ANTXR2: variants seen among roughly 807,000 people sequenced by gnomAD.
ANTXR2 encodes the protein ANTXR cell adhesion molecule 2, also known as anthrax toxin receptor 2.
Under a neutral mutation model 73.7 loss-of-function variants are expected in ANTXR2, and 44 were observed. That is an observed-to-expected ratio of 0.60 (90% confidence interval 0.47 to 0.77). The LOEUF (loss-of-function observed/expected upper bound fraction) is 0.77, where lower values mean the gene tolerates loss of function less well. ANTXR2 is among the 30% of genes least tolerant of loss of function. The probability of loss-of-function intolerance (pLI) is 0.00; values close to 1 mark genes in which losing one functional copy is unlikely to be tolerated. For missense variants in ANTXR2, 604 were observed against 592.5 expected (o/e 1.02, Z -0.20); for synonymous variants, 217 against 205.9 (o/e 1.05, Z -0.46).
chr4:80,061,638 T>C (rs1029330877), intron 3 of ANTXR2, among the ~76,000 whole-genome samples: 2 of 152,142 alleles, frequency 1.3e-5, no homozygotes, highest in Non-Finnish European at 2.9e-5. Flanking sequence ...CAAGATGTTA[T>C]TTATGACTAT....
intron 16 of ANTXR2, among the ~76,000 whole-genome samples, chr4:79,922,095 A>C (rs1727614389): frequency 6.6e-6 from 1 of 152,074 alleles, no homozygotes; most frequent in African/African-American, 2.4e-5. Flanking sequence ...CAGCAGACAA[A>C]TGACTTTTCT....
chr4:80,025,059 TAGA>T (rs1732365026), intron 10 of ANTXR2, among the ~76,000 whole-genome samples: 2 of 152,298 alleles, frequency 1.3e-5, no homozygotes, highest in South Asian at 4.1e-4. Flanking sequence ...TTTTTCAAAG[TAGA>T]AGGATAGAAG....
intron 3 of ANTXR2, among the ~76,000 whole-genome samples, chr4:80,061,284 C>CTGTGTGTGTGTG (rs60730236): frequency 4.4e-4 from 65 of 149,180 alleles, no homozygotes; most frequent in African/African-American, 1.5e-3. Context: ...GTGTGTGCCT[C>CTGTGTGTGTGTG]TGTGTGTGTG....
chr4:80,001,608 A>G (rs1404658993), intron 12 of ANTXR2, among the ~76,000 whole-genome samples: 2 of 150,222 alleles, frequency 1.3e-5, no homozygotes, highest in Non-Finnish European at 3.0e-5. Flanking sequence ...TATCCTTGTT[A>G]ACTTTCTGTC....
chr4:79,945,801 A>G (rs1728494936), intron 16 of ANTXR2, among the ~76,000 whole-genome samples: 1 of 152,136 alleles, frequency 6.6e-6, no homozygotes, highest in Non-Finnish European at 1.5e-5. Flanking sequence ...AGCCATCACA[A>G]TATGCCCTAC....
intron 16 of ANTXR2, among the ~76,000 whole-genome samples, chr4:79,955,561 C>T (rs1409100475): frequency 6.6e-6 from 1 of 152,070 alleles, no homozygotes; most frequent in Non-Finnish European, 1.5e-5. Flanking sequence ...GGCCTCCTCT[C>T]TGAGGGCAAT....
intron 11 of ANTXR2, among the ~76,000 whole-genome samples, chr4:80,015,266 A>C (rs896971542): frequency 2.0e-5 from 3 of 152,182 alleles, no homozygotes; most frequent in Non-Finnish European, 4.4e-5. Context: ...GGATGTTTCC[A>C]ATGGCAGCAT....
At position 79,982,138 on chromosome 4, in the gene ANTXR2, G is replaced by T. The variant is rs114033868; in HGVS notation, c.1179+1740C>A. Among the ~76,000 whole-genome samples the T allele has an allele frequency of 5.5e-3, 844 of 152,116 alleles. 11 individuals carry two copies. The highest frequency in any genetic ancestry group is 0.019 in the African/African-American group (787 of 41,506). On this transcript the variant is annotated intron_variant, in intron 14 of 16. Transcript: ENST00000403729. Reference sequence around the variant, plus strand: ...ACATATTCCTAGTTTTTTAAAGCAAGAATATTATTTATTCAATTAAGGCTC... The same window carrying T: ...ACATATTCCTAGTTTTTTAAAGCAATAATATTATTTATTCAATTAAGGCTC...
In ANTXR2 at chr4:79,904,284, T is replaced by G. The variant is rs1726822986; in HGVS notation, c.*3145A>C. The G allele has an allele frequency of 6.6e-6, 1 of 152,070 alleles. No individual in the cohort carries two copies. The highest frequency in any genetic ancestry group is 2.1e-4 in the South Asian group (1 of 4,826). 9.4% of individuals were successfully genotyped at this position (152,070 alleles called of 1,614,324 possible). On this transcript the variant is annotated 3_prime_UTR_variant, in exon 17 of 17. Coordinates refer to ENST00000403729, the MANE Select transcript of ANTXR2 (RefSeq NM_058172.6). ...TGGTTAGAATAAAGTTCAAGGGAAATATAAGCAAACTACTTCTTTCTCTAA... is the reference window on the plus strand; with the variant it reads ...TGGTTAGAATAAAGTTCAAGGGAAAGATAAGCAAACTACTTCTTTCTCTAA...
At chr4:79,987,416 C>T (rs1247257327) in intron 12 of ANTXR2, among the ~76,000 whole-genome samples, 1 of 151,536 alleles carries the variant, frequency 6.6e-6, no homozygotes, top group Non-Finnish European at 1.5e-5. Context: ...TGAATCAATG[C>T]AGGCAAAAAA....
In ANTXR2 at chr4:80,072,906, GC is replaced by G. The variant is rs1169402710; in HGVS notation, c.-347del. 2 of 265,312 alleles carry G rather than the reference GC, an allele frequency of 7.5e-6. No individual in the cohort carries two copies. The highest frequency in any genetic ancestry group is 1.3e-5 in the Non-Finnish European group (2 of 154,772). 16.4% of individuals were successfully genotyped at this position (265,312 alleles called of 1,614,324 possible). On this transcript the variant is annotated 5_prime_UTR_variant, in exon 1 of 17. Coordinates refer to ENST00000403729, the MANE Select transcript of ANTXR2 (RefSeq NM_058172.6). Reference sequence around the variant, plus strand: ...GAAAGGAGTTCCTCTCCGGCCTGGGGCCGAGCCTCCAGCGCCCGCCTCGGAC... The same window carrying G: ...GAAAGGAGTTCCTCTCCGGCCTGGGGCGAGCCTCCAGCGCCCGCCTCGGAC...
chr4:80,062,626 C>T lies in ANTXR2; in HGVS notation c.297-6613G>A, dbSNP rs139649115. On this transcript the variant is annotated intron_variant, in intron 3 of 16. Coordinates refer to ENST00000403729, the MANE Select transcript of ANTXR2 (RefSeq NM_058172.6). ...ACTTGCCTAATGGAATTTTTTTTAG[C>T]TAACCCAACTATTGTCTCATCTTTT... 2.3e-3 allele frequency among the ~76,000 whole-genome samples: 344 copies of T among 152,240 alleles called. 1 individual carries two copies. The highest frequency in any genetic ancestry group is 8.0e-3 in the African/African-American group (331 of 41,556).
chr4:79,959,474 T>G (rs1729064740), intron 16 of ANTXR2, among the ~76,000 whole-genome samples: 1 of 152,150 alleles, frequency 6.6e-6, no homozygotes, highest in Non-Finnish European at 1.5e-5. Flanking sequence ...ATAATAAAAC[T>G]AAGAGGAACT....
At chr4:79,919,754 T>C (rs1336098820) in intron 16 of ANTXR2, among the ~76,000 whole-genome samples, 1 of 150,776 alleles carries the variant, frequency 6.6e-6, no homozygotes, top group Non-Finnish European at 1.5e-5. Context: ...AGATGGCCTA[T>C]TGTGGGACCT....
intron 16 of ANTXR2, among the ~76,000 whole-genome samples, chr4:79,948,621 A>G (rs183866179): frequency 1.3e-5 from 2 of 152,276 alleles, no homozygotes; most frequent in African/African-American, 2.4e-5. Flanking sequence ...AACCCATTCA[A>G]TAAATATACA....
At chr4:79,952,280 T>C (rs900632251) in intron 16 of ANTXR2, among the ~76,000 whole-genome samples, 4 of 151,598 alleles carry the variant, frequency 2.6e-5, no homozygotes, top group Non-Finnish European at 5.9e-5. Context: ...CTTCTGTTTT[T>C]ATTTGTTAAT....
chr4:79,933,735 G>T (rs867570514), intron 16 of ANTXR2, among the ~76,000 whole-genome samples: 6,211 of 68,862 alleles, frequency 0.09, 359 homozygotes, highest in Middle Eastern at 0.15. Flanking sequence ...TGGTGTGTTT[G>T]TTTTTTTTTT....
At chr4:80,047,763 T>C (rs1341070989) in intron 7 of ANTXR2, among the ~76,000 whole-genome samples, 3 of 151,698 alleles carry the variant, frequency 2.0e-5, no homozygotes, top group African/African-American at 4.8e-5. Context: ...ATGAGGCAAA[T>C]AGAAACATAG....
At chr4:80,049,487 T>C (rs542470989) in intron 7 of ANTXR2, among the ~76,000 whole-genome samples, 7 of 151,790 alleles carry the variant, frequency 4.6e-5, no homozygotes, top group Admixed American at 3.9e-4. Context: ...CTGTGGACAA[T>C]GGGAGGGGAG....
Sources: gnomAD v4.1 joint callset for allele counts (sites outside exome capture counted in the v4.1 genomes callset) on GRCh38, gnomAD v4.1.1 for gene constraint, MANE v1.5 for transcripts, NCBI Gene and HGNC (gene_info 2026-07-23, HGNC 2026-07-21) for gene names.